Variants in ANO2 observed in about 807,000 individuals in gnomAD.
ANO2 encodes the protein anoctamin-2.
ANO2 carries 101 observed loss-of-function variants against 124.2 expected under a neutral mutation model. The observed-to-expected ratio is 0.81, with a 90% CI of 0.69 to 0.96. The LOEUF (loss-of-function observed/expected upper bound fraction) is 0.96. Among genes scored for constraint, ANO2 ranks in the 40% least tolerant of loss-of-function variants. The pLI is 0.00. For missense variants in ANO2, 1,293 were observed against 1,274.5 expected, an observed-to-expected ratio of 1.01 and a Z score of -0.22; for synonymous variants, 486 against 482.5, an observed-to-expected ratio of 1.01 and a Z score of -0.09.
intron 3 of ANO2, among the ~76,000 whole-genome samples, chr12:5,913,872 C>A (rs59714542): frequency 3.9e-5 from 6 of 152,204 alleles, no homozygotes; most frequent in African/African-American, 1.2e-4. Context: ...AAAGTCACCC[C>A]GACCTCTTCC....
chr12:5,886,332 G>C (rs1347779292), intron 3 of ANO2, among the ~76,000 whole-genome samples: 5 of 152,168 alleles, frequency 3.3e-5, no homozygotes, highest in Admixed American at 3.3e-4. Context: ...TTGTGACATC[G>C]ATGAGCCTGG....
rs192528666 is a variant in ANO2 at position 5,597,542 on chromosome 12, A to G, written c.2233+1942T>C. Among the ~76,000 whole-genome samples the G allele has an allele frequency of 2.6e-5, 4 of 152,298 alleles. No homozygotes were observed. The East Asian group carries it at 7.7e-4, about 29-fold the overall frequency. On this transcript the variant is annotated intron_variant, in intron 20 of 24. Transcript: ENST00000682330. ...ATTCTTTGCTATTATGAACACGTCTATATACATAAACTAGAAAACTTTGGG... is the reference window on the plus strand; with the variant it reads ...ATTCTTTGCTATTATGAACACGTCTGTATACATAAACTAGAAAACTTTGGG...
In ANO2 at chr12:5,806,110, A is replaced by G. The variant is rs1953183750; in HGVS notation, c.949-17T>C. The G allele has an allele frequency of 6.2e-7, 1 of 1,612,144 alleles. No homozygotes were observed. Among genetic ancestry groups the G allele is most frequent in the Non-Finnish European group, 8.5e-7 (1 of 1,179,146 alleles). ...GTATTCACCCTGTGGAGAAAAAGTGATGCTGGATAAAGCCAATGAAATTAC... is the reference window on the plus strand; with the variant it reads ...GTATTCACCCTGTGGAGAAAAAGTGGTGCTGGATAAAGCCAATGAAATTAC... On this transcript the variant is annotated splice_polypyrimidine_tract_variant and intron_variant, in intron 8 of 24. Coordinates refer to ENST00000682330, the MANE Select transcript of ANO2 (RefSeq NM_001364791.2).
chr12:5,760,394 C>T (rs770989696), intron 10 of ANO2, among the ~76,000 whole-genome samples: 4 of 152,122 alleles, frequency 2.6e-5, no homozygotes, highest in Non-Finnish European at 5.9e-5. Context: ...CTCTGTCCAC[C>T]TTAATGGAAG....
At chr12:5,850,509 C>T (rs746103453) in intron 4 of ANO2, among the ~76,000 whole-genome samples, 25 of 152,046 alleles carry the variant, frequency 1.6e-4, no homozygotes, top group Non-Finnish European at 2.9e-4. Flanking sequence ...GAGTCTGGGA[C>T]CAAGAAACTT....
chr12:5,785,287 C>T (rs1952509361), intron 10 of ANO2, among the ~76,000 whole-genome samples: 2 of 151,954 alleles, frequency 1.3e-5, no homozygotes, highest in African/African-American at 2.4e-5. Flanking sequence ...AGAGGACCAG[C>T]GAGAGGCTTA....
intron 14 of ANO2, among the ~76,000 whole-genome samples, chr12:5,655,747 C>T (rs994051470): frequency 6.6e-6 from 1 of 152,222 alleles, no homozygotes; most frequent in African/African-American, 2.4e-5. Flanking sequence ...GGTTATGGAA[C>T]TCATTCACAA....
At chr12:5,638,535 C>A (rs1946162914) in intron 15 of ANO2, among the ~76,000 whole-genome samples, 1 of 130,886 alleles carries the variant, frequency 7.6e-6, no homozygotes, top group African/African-American at 2.8e-5. Flanking sequence ...ATGGCCGGCC[C>A]ACATTATTGA....
chr12:5,834,226 G>A (rs997574968), intron 4 of ANO2, among the ~76,000 whole-genome samples: 4 of 152,342 alleles, frequency 2.6e-5, no homozygotes, highest in South Asian at 2.1e-4. Context: ...GCTACTAAGT[G>A]TGGGCTAATC....
intron 4 of ANO2, among the ~76,000 whole-genome samples, chr12:5,835,746 GC>G (rs2137224379): frequency 6.6e-6 from 1 of 152,300 alleles, no homozygotes; most frequent in African/African-American, 2.4e-5. Context: ...TTACAATATT[GC>G]CTCTATTGTC....
intron 3 of ANO2, among the ~76,000 whole-genome samples, chr12:5,911,235 C>T (rs1941028091): frequency 6.6e-6 from 1 of 152,150 alleles, no homozygotes; most frequent in Admixed American, 6.5e-5. Flanking sequence ...CCACCCAGGA[C>T]CCAGCACCTA....
At chr12:5,830,972 T>C (rs1378063349) in intron 5 of ANO2, among the ~76,000 whole-genome samples, 1 of 152,192 alleles carries the variant, frequency 6.6e-6, no homozygotes, top group Non-Finnish European at 1.5e-5. Context: ...TTTCAGGGTG[T>C]TGGATTATCA....
chr12:5,638,384 T>TGC (rs1946147919), intron 15 of ANO2, among the ~76,000 whole-genome samples: 3 of 141,150 alleles, frequency 2.1e-5, no homozygotes, highest in Non-Finnish European at 3.1e-5. Context: ...TACAGGCACC[T>TGC]GCCACCACTC....
chr12:5,882,134 A>T (rs1385737461), intron 3 of ANO2, among the ~76,000 whole-genome samples: 1 of 152,224 alleles, frequency 6.6e-6, no homozygotes, highest in Non-Finnish European at 1.5e-5. Flanking sequence ...GGAAAGGAAC[A>T]GTCAAAAGCA....
At chr12:5,905,046 C>G (rs1940577896) in intron 3 of ANO2, among the ~76,000 whole-genome samples, 1 of 152,240 alleles carries the variant, frequency 6.6e-6, no homozygotes, top group African/African-American at 2.4e-5. Flanking sequence ...CAAGCTCAGA[C>G]AGCAGGAACC....
chr12:5,850,929 A>T (rs544555301), intron 4 of ANO2, among the ~76,000 whole-genome samples: 1 of 152,288 alleles, frequency 6.6e-6, no homozygotes, highest in South Asian at 2.1e-4. Flanking sequence ...CCTTACAAAA[A>T]CCTTCTAAGA....
At chr12:5,696,527 A>C (rs1373497310) in intron 14 of ANO2, among the ~76,000 whole-genome samples, 1 of 152,198 alleles carries the variant, frequency 6.6e-6, no homozygotes, top group East Asian at 1.9e-4. Flanking sequence ...ATTTTTTTTA[A>C]ATGAGTTTTA....
chr12:5,849,357 C>T (rs577470063), intron 4 of ANO2, among the ~76,000 whole-genome samples: 118 of 152,276 alleles, frequency 7.7e-4, no homozygotes, highest in African/African-American at 2.6e-3. Context: ...GGATGAGAAA[C>T]GGAGTGTTCA....
In ANO2 at chr12:5,651,633, T is replaced by C. The variant is rs563060429; in HGVS notation, c.1546-3832A>G. ...TTACACACAGTAAATTTCACCTTCA[T>C]TAGTGTTTACTTCTGTAAGTTTTGA... On this transcript the variant is annotated intron_variant, in intron 14 of 24. Transcript: ENST00000682330. Among the ~76,000 whole-genome samples the C allele has an allele frequency of 7.2e-5, 11 of 152,306 alleles. No individual in the cohort carries two copies. In the South Asian group the frequency reaches 2.3e-3, roughly 32 times the overall value.
Sources: gnomAD v4.1 joint callset for allele counts (sites outside exome capture counted in the v4.1 genomes callset) on GRCh38, gnomAD v4.1.1 for gene constraint, MANE v1.5 for transcripts, NCBI Gene and HGNC (gene_info 2026-07-23, HGNC 2026-07-21) for gene names.